The following WWOX variants were observed in gnomAD, a reference collection of about 807,000 sequenced individuals.
The protein encoded by WWOX is WW domain containing oxidoreductase, also known as WW domain-containing oxidoreductase.
In WWOX, 69 loss-of-function variants were observed where a neutral mutation model predicts 46.2. The observed-to-expected ratio is 1.49, with a 90% CI of 1.23 to 1.82. The LOEUF is 1.82. Ranked by LOEUF, WWOX falls within the 40% of genes most tolerant of loss-of-function variation. WWOX has a pLI of 0.00. For missense variants in WWOX, 919 were observed against 542.6 expected, an observed-to-expected ratio of 1.69 and a Z score of -6.89; for synonymous variants, 359 against 202.6, an observed-to-expected ratio of 1.77 and a Z score of -6.56.
intron 8 of WWOX, chr16:78,891,180 A>G (rs2044582350): frequency 1.3e-5 from 2 of 152,130 alleles, no homozygotes; most frequent in Non-Finnish European, 2.9e-5. Context: ...CTTCTTTCAT[A>G]TACCCTGTTT....
At chr16:78,994,969 CTTTT>C (rs869088414) in intron 8 of WWOX, among the ~76,000 whole-genome samples, 83 of 114,618 alleles carry the variant, frequency 7.2e-4, no homozygotes, top group African/African-American at 2.2e-3. Flanking sequence ...TCTTCTTCTT[CTTTT>C]TTTTTTTTTT....
intron 4 of WWOX, among the ~76,000 whole-genome samples, chr16:78,159,392 C>T (rs911096101): frequency 6.6e-6 from 1 of 152,134 alleles, no homozygotes; most frequent in African/African-American, 2.4e-5. Context: ...AACCTCCATA[C>T]TGTTTTTCAT....
chr16:78,205,900 C>T (rs1356177883), intron 5 of WWOX, among the ~76,000 whole-genome samples: 2 of 151,516 alleles, frequency 1.3e-5, no homozygotes, highest in East Asian at 3.9e-4. Flanking sequence ...TCCCTTCCTT[C>T]CTCCTGTCTT....
At chr16:78,756,330 A>C (rs1314310339) in intron 8 of WWOX, among the ~76,000 whole-genome samples, 1 of 152,136 alleles carries the variant, frequency 6.6e-6, no homozygotes, top group Non-Finnish European at 1.5e-5. Context: ...CAAACAAAAA[A>C]AAATCAATAA....
rs892471993 is a variant in WWOX at position 78,311,789 on chromosome 16, GC to G, written c.517-75070del. On this transcript the variant is annotated intron_variant, in intron 5 of 8. Transcript: ENST00000566780. ...ATAATTATTTTTAAAAAGCAGCCTG[GC>G]GGGGGGGTATTCATTTTTCTGTGGC... Among the ~76,000 whole-genome samples, 222 of 30,288 alleles carry G rather than the reference GC, an allele frequency of 7.3e-3. 1 individual carries two copies. Among genetic ancestry groups the G allele is most frequent in the African/African-American group, 0.038 (203 of 5,370 alleles). The allele number at this position is 30,288 out of a possible 152,430, so 19.9% of individuals were successfully genotyped here.
chr16:78,962,396 G>T (rs897263073), intron 8 of WWOX, among the ~76,000 whole-genome samples: 1 of 146,978 alleles, frequency 6.8e-6, no homozygotes, highest in African/African-American at 2.5e-5. Flanking sequence ...CTGGACAAGG[G>T]CTAGGAGGCT....
intron 8 of WWOX, among the ~76,000 whole-genome samples, chr16:78,954,275 A>C (rs1459823628): frequency 6.6e-6 from 1 of 151,792 alleles, no homozygotes; most frequent in Admixed American, 6.6e-5. Context: ...GTGGATGGAT[A>C]GGTGGAAGGA....
chr16:78,588,943 T>C (rs1411992243), intron 8 of WWOX, among the ~76,000 whole-genome samples: 1 of 152,188 alleles, frequency 6.6e-6, no homozygotes, highest in Non-Finnish European at 1.5e-5. Context: ...CCTTTGTTTC[T>C]TATCTCTACT....
chr16:78,899,806 A>G (rs2044783838), intron 8 of WWOX, among the ~76,000 whole-genome samples: 2 of 152,192 alleles, frequency 1.3e-5, no homozygotes, highest in African/African-American at 2.4e-5. Context: ...TTTGTGTTGT[A>G]GCTTGGAAAA....
chr16:78,786,277 A>T lies in WWOX; in HGVS notation c.1056+353525A>T, dbSNP rs536599304. Reference sequence around the variant, plus strand: ...CAATAAAGCAATAAATGACACCTGGATTTGTAGCGAATGTCTATTTCCATG... The same window carrying T: ...CAATAAAGCAATAAATGACACCTGGTTTTGTAGCGAATGTCTATTTCCATG... On this transcript the variant is annotated intron_variant, in intron 8 of 8. Coordinates refer to ENST00000566780, the MANE Select transcript of WWOX (RefSeq NM_016373.4). Among the ~76,000 whole-genome samples the T allele has an allele frequency of 7.2e-5, 11 of 152,286 alleles. No homozygotes were observed. The South Asian group carries it at 1.5e-3, about 20-fold the overall frequency.
At chr16:78,158,024 G>A (rs1032315251) in intron 4 of WWOX, among the ~76,000 whole-genome samples, 1 of 152,170 alleles carries the variant, frequency 6.6e-6, no homozygotes, top group African/African-American at 2.4e-5. Context: ...GGTTCAAGGC[G>A]TGACCTTAGA....
At chr16:78,421,536 G>T (rs777058175) in intron 6 of WWOX, among the ~76,000 whole-genome samples, 2 of 152,126 alleles carry the variant, frequency 1.3e-5, no homozygotes, top group East Asian at 1.9e-4. Flanking sequence ...AAATAAGGTC[G>T]CATTCACAGA....
intron 8 of WWOX, among the ~76,000 whole-genome samples, chr16:79,113,286 G>T (rs910248157): frequency 6.6e-6 from 1 of 152,146 alleles, no homozygotes; most frequent in South Asian, 2.1e-4. Flanking sequence ...TGTGGATGAC[G>T]GGTGAAGAAT....
chr16:78,289,128 G>A (rs1270596477), intron 5 of WWOX, among the ~76,000 whole-genome samples: 6 of 152,176 alleles, frequency 3.9e-5, no homozygotes, highest in South Asian at 2.1e-4. Context: ...AACCTGGAGC[G>A]CTGGGAGGTA....
At chr16:79,161,731 C>G (rs1212521937) in intron 8 of WWOX, among the ~76,000 whole-genome samples, 4 of 152,154 alleles carry the variant, frequency 2.6e-5, no homozygotes, top group Non-Finnish European at 4.4e-5. Context: ...GTTGGCCAGG[C>G]TGGTCTCAAA....
intron 8 of WWOX, among the ~76,000 whole-genome samples, chr16:79,037,590 A>G (rs1228235799): frequency 2.6e-5 from 4 of 152,108 alleles, no homozygotes; most frequent in Non-Finnish European, 5.9e-5. Flanking sequence ...CTACAACTGC[A>G]CCCTGCTACC....
intron 8 of WWOX, among the ~76,000 whole-genome samples, chr16:78,775,059 G>A (rs1409246569): frequency 6.6e-6 from 1 of 152,132 alleles, no homozygotes; most frequent in African/African-American, 2.4e-5. Context: ...AGGGTGGGGA[G>A]CCATCTCAGG....
intron 4 of WWOX, chr16:78,118,808 G>T (rs1422967455): frequency 2.6e-5 from 4 of 152,134 alleles, no homozygotes; most frequent in East Asian, 1.9e-4. Context: ...AATGCCCCAG[G>T]CCCCAGGAAG....
At chr16:79,195,236 G>C (rs891891079) in intron 8 of WWOX, among the ~76,000 whole-genome samples, 10 of 152,000 alleles carry the variant, frequency 6.6e-5, no homozygotes, top group Non-Finnish European at 1.5e-5. Flanking sequence ...GAAGATTACT[G>C]GGGAGTGTTC....
Sources: gnomAD v4.1 joint callset for allele counts (sites outside exome capture counted in the v4.1 genomes callset) on GRCh38, gnomAD v4.1.1 for gene constraint, MANE v1.5 for transcripts, NCBI Gene and HGNC (gene_info 2026-07-23, HGNC 2026-07-21) for gene names.